Variants in PRSS41 observed in about 807,000 individuals in gnomAD.
The protein encoded by PRSS41 is protease, serine 41.
In PRSS41, 37 loss-of-function variants were observed where a neutral mutation model predicts 28.8. The observed-to-expected ratio is 1.29, with a 90% confidence interval of 0.99 to 1.69. PRSS41 has a LOEUF of 1.69. Ranked by LOEUF, PRSS41 falls within the 40% of genes most tolerant of loss-of-function variation. The pLI is 0.00. For synonymous variants in PRSS41, 195 were observed against 163.1 expected (o/e 1.20, Z -1.49); for missense variants, 431 against 400.7 (o/e 1.08, Z -0.65).
chr16:2,801,860 C>T (rs1360185391), intron 4 of PRSS41, among the ~76,000 whole-genome samples: 6 of 152,248 alleles, frequency 3.9e-5, no homozygotes, highest in Admixed American at 2.6e-4. Context: ...GTTGGGCACA[C>T]CTCCCAGACG....
At chr16:2,798,908 G>GGGCC in intron 2 of PRSS41, 51 bp from the exon 3 acceptor site, 11 of 1,415,394 alleles carry the variant, frequency 7.8e-6, no homozygotes, top group Non-Finnish European at 1.0e-5. Flanking sequence ...GGGCGGGCCT[G>GGGCC]CCCACCCCAC....
chr16:2,798,778 G>C (rs977406658), intron 2 of PRSS41, among the ~76,000 whole-genome samples, 116 bp downstream of exon 2: 1 of 152,038 alleles, frequency 6.6e-6, no homozygotes, highest in African/African-American at 2.4e-5. Context: ...AGTAACTAAT[G>C]GGTCCTAGGG....
At chr16:2,804,995 G>C (rs551237560) in exon 6 of PRSS41, 5 of 1,581,308 alleles carry the variant, frequency 3.2e-6, no homozygotes, top group Non-Finnish European at 3.4e-6. Context: ...AATGGACTGC[G>C]GTCAACCCAA....
chr16:2,801,545 A>T (rs368036876), intron 4 of PRSS41, among the ~76,000 whole-genome samples: 23 of 151,770 alleles, frequency 1.5e-4, no homozygotes, highest in Admixed American at 1.5e-3. Context: ...AATGACTCTT[A>T]ACGAGCATGC....
chr16:2,800,738 A>C (rs754679730), intron 4 of PRSS41, among the ~76,000 whole-genome samples: 5 of 152,104 alleles, frequency 3.3e-5, no homozygotes, highest in Non-Finnish European at 7.4e-5. Context: ...AAATTTACCC[A>C]AAAACCTTTT....
In PRSS41 at chr16:2,798,838, C is replaced by T; in HGVS notation, c.92-121C>T. On this transcript the variant is annotated intron_variant, in intron 2 of 5. Transcript: ENST00000399677. ...GTGGGAGGGTCCCTAGCGTCACCTTCTTGGCGCGCGGTTCCCCGGGGAGCC... is the reference window on the plus strand; with the variant it reads ...GTGGGAGGGTCCCTAGCGTCACCTTTTTGGCGCGCGGTTCCCCGGGGAGCC... 7.8e-6 allele frequency: 10 copies of T among 1,275,958 alleles called. 1 individual carries two copies. The South Asian group carries it at 1.5e-4, about 19-fold the overall frequency. The allele number at this position is 1,275,958 out of a possible 1,614,324, so 79.0% of individuals were successfully genotyped here.
At chr16:2,799,891 A>AT (rs1397285113) in intron 4 of PRSS41, among the ~76,000 whole-genome samples, 1 of 152,390 alleles carries the variant, frequency 6.6e-6, no homozygotes, top group East Asian at 1.9e-4. Context: ...TCAGGCAATG[A>AT]TTTTTAAAAA....
chr16:2,800,866 T>C (rs1272722968), intron 4 of PRSS41, among the ~76,000 whole-genome samples: 1 of 152,246 alleles, frequency 6.6e-6, no homozygotes, highest in Admixed American at 6.5e-5. Flanking sequence ...CACAAACACA[T>C]TGTATAGCTA....
intron 4 of PRSS41, among the ~76,000 whole-genome samples, chr16:2,803,205 T>G (rs1409627865): frequency 6.6e-6 from 1 of 152,252 alleles, no homozygotes; most frequent in African/African-American, 2.4e-5. Context: ...GGTTTTTAGA[T>G]CTCATCATAT....
intron 1 of PRSS41, 36 bp downstream of exon 1, chr16:2,798,584 G>A (rs1596308793): frequency 1.3e-6 from 2 of 1,525,492 alleles, no homozygotes; most frequent in South Asian, 2.4e-5. Flanking sequence ...ACCGGGGGCA[G>A]CGAGGAGGCC....
At chr16:2,799,459 T>G in exon 4 of PRSS41, 1 of 1,552,200 alleles carries the variant, frequency 6.4e-7, no homozygotes, top group African/African-American at 1.4e-5. Flanking sequence ...GCCTCTTCTG[T>G]CACCTACAAT....
At chr16:2,798,611 G>C in intron 1 of PRSS41, 25 bp from the exon 2 acceptor site, 1 of 1,523,462 alleles carries the variant, frequency 6.6e-7, no homozygotes, top group Non-Finnish European at 8.8e-7. Flanking sequence ...TGGAGGCCGC[G>C]AGGGTCACTT....
intron 5 of PRSS41, 119 bp downstream of exon 5, chr16:2,804,665 G>C (rs1468740707): frequency 6.6e-6 from 7 of 1,066,780 alleles, no homozygotes; most frequent in Non-Finnish European, 9.5e-6. Context: ...GAGAAAACCA[G>C]TGCAGTCTCA....
rs2150797087 is a variant in PRSS41, at chr16:2,798,945, T to C, written c.92-14T>C. 3 of 1,134,014 alleles carry C rather than the reference T, an allele frequency of 2.6e-6. No individual in the cohort carries two copies. The highest frequency in any genetic ancestry group is 1.6e-5 in the African/African-American group (1 of 63,396). The allele number at this position is 1,134,014 out of a possible 1,614,324, so 70.2% of individuals were successfully genotyped here. On this transcript the variant is annotated splice_polypyrimidine_tract_variant and intron_variant, in intron 2 of 5. Coordinates refer to ENST00000399677, the Ensembl canonical transcript of PRSS41. Reference sequence around the variant, plus strand: ...CCACCCGGCAGCTCAGCCGCGTCCGTCTGTCCATCCCAGAGGCCTGCGGCC... The same window carrying C: ...CCACCCGGCAGCTCAGCCGCGTCCGCCTGTCCATCCCAGAGGCCTGCGGCC...
intron 4 of PRSS41, 36 bp from the exon 5 acceptor site, chr16:2,804,353 G>A: frequency 6.5e-7 from 1 of 1,548,450 alleles, no homozygotes; most frequent in Non-Finnish European, 8.7e-7. Context: ...GCAGAGGAGA[G>A]GTGAAGGGTG....
chr16:2,799,608 C>T (rs990057466), intron 4 of PRSS41, 39 bp downstream of exon 4: 28 of 1,539,688 alleles, frequency 1.8e-5, no homozygotes, highest in African/African-American at 8.2e-5. Context: ...GATGGGGGTG[C>T]GGGGTGAGCA....
At chr16:2,804,675 A>T in intron 5 of PRSS41, 129 bp downstream of exon 5, 2 of 971,932 alleles carry the variant, frequency 2.1e-6, no homozygotes, top group South Asian at 3.3e-5. Flanking sequence ...GTGCAGTCTC[A>T]GTTACTGAGC....
intron 4 of PRSS41, among the ~76,000 whole-genome samples, chr16:2,804,175 C>T (rs148450297): frequency 7.0e-4 from 106 of 152,310 alleles, no homozygotes; most frequent in African/African-American, 2.4e-3. Context: ...TTTCAGGAAG[C>T]ACTGCAACAG....
At chr16:2,799,333 C>G (rs2068970157) in exon 4 of PRSS41, 2 of 1,551,606 alleles carry the variant, frequency 1.3e-6, no homozygotes, top group African/African-American at 1.4e-5. Flanking sequence ...GAGCTGACTT[C>G]CAGGCCAACT....
Sources: gnomAD v4.1 joint callset for allele counts (sites outside exome capture counted in the v4.1 genomes callset) on GRCh38, gnomAD v4.1.1 for gene constraint, MANE v1.5 for transcripts, NCBI Gene and HGNC (gene_info 2026-07-23, HGNC 2026-07-21) for gene names.